Variants in RARB observed in about 807,000 individuals in gnomAD.
RARB encodes HBV-activated protein.
In RARB, 17 loss-of-function variants were observed where a neutral mutation model predicts 51.9. The ratio of observed to expected loss-of-function variants is 0.33; its 90% CI spans 0.22 to 0.49. The LOEUF (loss-of-function observed/expected upper bound fraction) is 0.49. Among genes scored for constraint, RARB ranks in the 20% least tolerant of loss-of-function variants. RARB has a pLI of 0.99. For synonymous variants in RARB, 215 were observed against 195.4 expected (o/e 1.10, Z -0.84); for missense variants, 369 against 550.8 (o/e 0.67, Z 3.30).
At chr3:25,272,218 C>T (rs9853652) in intron 5 of RARB, among the ~76,000 whole-genome samples, 8,117 of 152,186 alleles carry the variant, frequency 0.053, 236 homozygotes, top group African/African-American at 0.085. Context: ...TGTTCATCTC[C>T]GGTTGTGTAC....
At chr3:25,371,604 T>C (rs1706301154) in intron 5 of RARB, among the ~76,000 whole-genome samples, 1 of 152,202 alleles carries the variant, frequency 6.6e-6, no homozygotes, top group South Asian at 2.1e-4. Context: ...ACTTTTCCAG[T>C]GGAAGTGGAT....
At chr3:24,849,058 G>T (rs1702521301) in intron 1 of RARB, among the ~76,000 whole-genome samples, 1 of 152,068 alleles carries the variant, frequency 6.6e-6, no homozygotes, top group Admixed American at 6.6e-5. Flanking sequence ...ACTTTCCAAG[G>T]CCCCCAGTGG....
chr3:24,944,893 T>C (rs1695741157), intron 2 of RARB, among the ~76,000 whole-genome samples: 2 of 152,166 alleles, frequency 1.3e-5, no homozygotes, highest in Non-Finnish European at 2.9e-5. Flanking sequence ...AATAGTTTTA[T>C]GCCATTGAAG....
At chr3:24,982,601 G>C (rs535974098) in intron 2 of RARB, among the ~76,000 whole-genome samples, 1 of 152,150 alleles carries the variant, frequency 6.6e-6, no homozygotes, top group African/African-American at 2.4e-5. Flanking sequence ...TTCTTCTTCA[G>C]ACAGAAAAGA....
At chr3:25,023,393 T>G (rs148409513) in intron 2 of RARB, among the ~76,000 whole-genome samples, 239 of 152,336 alleles carry the variant, frequency 1.6e-3, no homozygotes, top group African/African-American at 5.5e-3. Flanking sequence ...CTTTTTTATT[T>G]ACTGAGGTTA....
At chr3:24,915,419 TTACAG>T (rs1203450131) in intron 2 of RARB, among the ~76,000 whole-genome samples, 53 of 152,342 alleles carry the variant, frequency 3.5e-4, no homozygotes, top group Admixed American at 1.2e-3. Flanking sequence ...CATTTTACAC[TTACAG>T]TATATCTCAA....
intron 2 of RARB, among the ~76,000 whole-genome samples, chr3:25,483,100 A>G (rs1339146604): frequency 6.6e-6 from 1 of 152,208 alleles, no homozygotes; most frequent in Non-Finnish European, 1.5e-5. Flanking sequence ...GCCCTGGATC[A>G]AAGAGATGTG....
chr3:25,408,137 T>C (rs952696477), intron 5 of RARB, among the ~76,000 whole-genome samples: 1 of 152,178 alleles, frequency 6.6e-6, no homozygotes, highest in African/African-American at 2.4e-5. Flanking sequence ...ATATAACATA[T>C]GTCATCTTTC....
intron 2 of RARB, among the ~76,000 whole-genome samples, chr3:25,054,184 G>C (rs1258345260): frequency 6.6e-6 from 1 of 152,190 alleles, no homozygotes; most frequent in Non-Finnish European, 1.5e-5. Context: ...TAGACTCATA[G>C]ACAAGCCTCT....
chr3:25,108,271 A>G lies in RARB; in HGVS notation c.-327-23890A>G, dbSNP rs551753961. Reference sequence around the variant, plus strand: ...TGAAACCATGGGAAAAAAATCATGGATAAGAGGGGACTACTGTATACTCAA... The same window carrying G: ...TGAAACCATGGGAAAAAAATCATGGGTAAGAGGGGACTACTGTATACTCAA... On this transcript the variant is annotated intron_variant, in intron 3 of 11. Coordinates refer to the RARB transcript ENST00000383772. Among the ~76,000 whole-genome samples the G allele has an allele frequency of 2.6e-5, 4 of 152,324 alleles. No homozygotes were observed. In the South Asian group the frequency reaches 6.2e-4, roughly 24 times the overall value.
chr3:25,190,977 G>T (rs974524798), intron 5 of RARB, among the ~76,000 whole-genome samples: 4 of 152,114 alleles, frequency 2.6e-5, no homozygotes, highest in African/African-American at 9.6e-5. Flanking sequence ...CTGTGTTGGG[G>T]GCCTCGCCCA....
intron 5 of RARB, among the ~76,000 whole-genome samples, chr3:25,340,271 GT>G (rs1426749565): frequency 1.3e-5 from 2 of 152,098 alleles, no homozygotes; most frequent in Non-Finnish European, 2.9e-5. Flanking sequence ...TCATCATGTT[GT>G]TTTAATAATT....
chr3:24,863,640 AT>A (rs1209533790), intron 2 of RARB, among the ~76,000 whole-genome samples: 1 of 152,144 alleles, frequency 6.6e-6, no homozygotes, highest in Admixed American at 6.5e-5. Context: ...ATCCAATTTA[AT>A]TAGAGAACAC....
chr3:25,119,528 G>A (rs1214125339), intron 3 of RARB, among the ~76,000 whole-genome samples: 1 of 151,932 alleles, frequency 6.6e-6, no homozygotes, highest in Non-Finnish European at 1.5e-5. Flanking sequence ...GCTATTATGG[G>A]TCTTATGCAC....
chr3:24,937,603 C>A (rs113287624), intron 2 of RARB, among the ~76,000 whole-genome samples: 18 of 152,156 alleles, frequency 1.2e-4, no homozygotes, highest in African/African-American at 4.3e-4. Context: ...GCGTGCGATA[C>A]GGGAAAGGCC....
intron 3 of RARB, among the ~76,000 whole-genome samples, chr3:25,568,026 C>G (rs1700568073): frequency 6.6e-6 from 1 of 152,146 alleles, no homozygotes; most frequent in Admixed American, 6.5e-5. Flanking sequence ...CCCACTCTCA[C>G]CCAGCGTCCT....
At chr3:25,316,425 T>C (rs1704427282) in intron 5 of RARB, among the ~76,000 whole-genome samples, 1 of 152,172 alleles carries the variant, frequency 6.6e-6, no homozygotes, top group Admixed American at 6.5e-5. Context: ...GTAAATATTT[T>C]AAGCCAAGTC....
At chr3:25,013,469 A>C (rs1467465115) in intron 2 of RARB, among the ~76,000 whole-genome samples, 2 of 152,044 alleles carry the variant, frequency 1.3e-5, no homozygotes, top group African/African-American at 2.4e-5. Context: ...TCATCTTCTA[A>C]CTTTGTGATT....
At chr3:25,289,638 C>A (rs796902947) in intron 5 of RARB, among the ~76,000 whole-genome samples, 3 of 152,350 alleles carry the variant, frequency 2.0e-5, no homozygotes, top group African/African-American at 7.2e-5. Context: ...TTTTCCTTCA[C>A]CCCTTTCTTC....
Sources: gnomAD v4.1 joint callset for allele counts (sites outside exome capture counted in the v4.1 genomes callset) on GRCh38, gnomAD v4.1.1 for gene constraint, MANE v1.5 for transcripts, NCBI Gene and HGNC (gene_info 2026-07-23, HGNC 2026-07-21) for gene names.